Variants in PIAS4 observed in about 807,000 individuals in gnomAD.
PIAS4 encodes the protein protein inhibitor of activated STAT 4.
A neutral mutation model predicts 58.0 loss-of-function variants in PIAS4; 7 were observed. That is an observed-to-expected ratio of 0.12 (90% CI 0.07 to 0.23). The LOEUF is 0.23. Among genes scored for constraint, PIAS4 ranks in the 10% least tolerant of loss-of-function variants. PIAS4 has a pLI of 1.00. For missense variants in PIAS4, 550 were observed against 709.5 expected (o/e 0.78, Z 2.55); for synonymous variants, 364 against 312.4 (o/e 1.17, Z -1.74).
chr19:4,019,796 T>G (rs2040090646), intron 2 of PIAS4, among the ~76,000 whole-genome samples: 1 of 152,012 alleles, frequency 6.6e-6, no homozygotes, highest in Non-Finnish European at 1.5e-5. Flanking sequence ...CCCCTCTTCC[T>G]GAGGGCCAGC....
At chr19:4,028,310 C>A in intron 4 of PIAS4, 123 bp downstream of exon 4, 2 of 891,198 alleles carry the variant, frequency 2.2e-6, no homozygotes, top group Non-Finnish European at 3.5e-6. Context: ...CAGCTCTCCT[C>A]ACCTGCTGTC....
chr19:4,013,145 C>G lies in PIAS4; in HGVS notation c.250C>G (p.Leu84Val), dbSNP rs955710543. The G allele has an allele frequency of 6.2e-7, 1 of 1,613,388 alleles. No individual in the cohort carries two copies. Among genetic ancestry groups the G allele is most frequent in the Non-Finnish European group, 8.5e-7 (1 of 1,180,028 alleles). The change falls in exon 2 of 11, where the codon CTG (leucine) becomes GTG (valine). Residue 84 changes from leucine (L) to valine (V), a missense_variant. Around this residue, in one of 4 missense-constraint regions of PIAS4, gnomAD observed 95 missense variants for 87.5 expected, o/e 1.09. Transcript: ENST00000262971. This position sits in a 1 kb window ranked among gnomAD's most constrained non-coding sequence, Gnocchi z 5.1. ...ACAGCCGCACCGGCCCCTGGACCCCCTGACCATGCACTCCACCTACGACCG... is the reference window on the plus strand; with the variant it reads ...ACAGCCGCACCGGCCCCTGGACCCCGTGACCATGCACTCCACCTACGACCG... Reference protein sequence around the residue: ...APQPHRPLDPLTMHSTYDRAG... With the variant: ...APQPHRPLDPVTMHSTYDRAG...
intron 2 of PIAS4, among the ~76,000 whole-genome samples, chr19:4,020,397 C>T (rs1323721086): frequency 1.3e-5 from 2 of 152,128 alleles, no homozygotes; most frequent in African/African-American, 4.8e-5. Context: ...CCAGCCTTTA[C>T]CAGGGGCAGT....
intron 2 of PIAS4, among the ~76,000 whole-genome samples, chr19:4,019,130 A>G (rs998989510): frequency 2.0e-5 from 3 of 152,162 alleles, no homozygotes; most frequent in African/African-American, 7.2e-5. Context: ...TTTGCAGGAC[A>G]GCAGAGACGG....
chr19:4,031,515 C>T (rs2040222227), intron 7 of PIAS4, among the ~76,000 whole-genome samples: 1 of 152,150 alleles, frequency 6.6e-6, no homozygotes, highest in East Asian at 1.9e-4. Context: ...CTCCCTCTTC[C>T]CTCAAAGGGC....
At chr19:4,010,109 G>T (rs1326125829) in intron 1 of PIAS4, among the ~76,000 whole-genome samples, 2 of 152,222 alleles carry the variant, frequency 1.3e-5, no homozygotes, top group Non-Finnish European at 2.9e-5. Flanking sequence ...TATAAACACA[G>T]CTCTGACGGC....
intron 9 of PIAS4, among the ~76,000 whole-genome samples, chr19:4,035,664 T>C (rs1218253426): frequency 1.3e-5 from 2 of 149,142 alleles, no homozygotes; most frequent in African/African-American, 4.9e-5. Flanking sequence ...GCCTGTTTCC[T>C]GATCTGGCGG....
rs569162878 is a variant in PIAS4 at position 4,038,209 on chromosome 19, C to T, written c.*334C>T. 17 of 278,696 alleles carry T rather than the reference C, an allele frequency of 6.1e-5. No individual in the cohort carries two copies. The highest frequency in any genetic ancestry group is 1.2e-4 in the African/African-American group (5 of 43,068). 17.3% of individuals were successfully genotyped at this position (278,696 alleles called of 1,614,324 possible). ...GGCGGGAGGGACCAGGACGCCGCCC[C>T]GCGCCCTCCCCTCCGGATGCCCCGC... On this transcript the variant is annotated 3_prime_UTR_variant, in exon 11 of 11. Transcript: ENST00000262971. The surrounding 1 kb of genome is among the most constrained non-coding windows in gnomAD (Gnocchi z 4.1).
chr19:4,007,990 C>A (rs953940813), intron 1 of PIAS4, among the ~76,000 whole-genome samples: 1 of 151,404 alleles, frequency 6.6e-6, no homozygotes, highest in Non-Finnish European at 1.5e-5. Context: ...TCCTGCCTCA[C>A]CCAGGTCTTC....
chr19:4,012,190 G>A (rs181431006), intron 1 of PIAS4, among the ~76,000 whole-genome samples: 27 of 151,974 alleles, frequency 1.8e-4, no homozygotes, highest in Non-Finnish European at 2.9e-4. Context: ...CAGATGTTTC[G>A]GAGGCCCCCA....
chr19:4,027,759 A>T (rs971066746), intron 3 of PIAS4, among the ~76,000 whole-genome samples: 1 of 151,906 alleles, frequency 6.6e-6, no homozygotes, highest in East Asian at 1.9e-4. Context: ...CATGTTGCGC[A>T]GGCTCGTCTC....
chr19:4,033,274 C>A, intron 8 of PIAS4, 101 bp downstream of exon 8: 1 of 1,369,584 alleles, frequency 7.3e-7, no homozygotes, highest in Non-Finnish European at 1.0e-6. Flanking sequence ...CGTGAGCCTG[C>A]GGGGGCGAGG....
intron 3 of PIAS4, among the ~76,000 whole-genome samples, chr19:4,025,260 G>T (rs1034903128): frequency 6.6e-6 from 1 of 152,156 alleles, no homozygotes; most frequent in Non-Finnish European, 1.5e-5. Context: ...GACACAGCTC[G>T]GTGTCGCCTG....
At chr19:4,014,950 G>T (rs1182828115) in intron 2 of PIAS4, among the ~76,000 whole-genome samples, 1 of 152,228 alleles carries the variant, frequency 6.6e-6, no homozygotes, top group Non-Finnish European at 1.5e-5. Context: ...GGTGCTGTCG[G>T]TGGTTCCTGC....
chr19:4,008,512 C>T (rs984360750), intron 1 of PIAS4, among the ~76,000 whole-genome samples: 1 of 152,190 alleles, frequency 6.6e-6, no homozygotes, highest in African/African-American at 2.4e-5. Context: ...TGGGGGAAGG[C>T]TGGGCCCTCC....
chr19:4,017,068 C>T lies in PIAS4; in HGVS notation c.454+3719C>T, dbSNP rs371735172. ...ATCTGTCCGTCTGCACACTGGGGGC[C>T]TGGATGGGCACGGAGCGTCCTGTGT... On this transcript the variant is annotated intron_variant, in intron 2 of 10. Coordinates refer to ENST00000262971, the MANE Select transcript of PIAS4 (RefSeq NM_015897.4). Among the ~76,000 whole-genome samples the T allele has an allele frequency of 2.0e-4, 31 of 152,308 alleles. No homozygotes were observed. In the East Asian group the frequency reaches 4.6e-3, roughly 23 times the overall value.
chr19:4,028,134 C>T lies in PIAS4; in HGVS notation c.540-12C>T. The T allele has an allele frequency of 1.9e-6, 3 of 1,613,622 alleles. No individual in the cohort carries two copies. Among genetic ancestry groups the T allele is most frequent in the Non-Finnish European group, 2.5e-6 (3 of 1,179,838 alleles). On this transcript the variant is annotated splice_polypyrimidine_tract_variant and intron_variant, in intron 3 of 10. Transcript: ENST00000262971. ...CTCCTTTCCTTTCCTCTGGTTTGCT[C>T]CACACCCACAGGGAACTGCAGCCCG...
At chr19:4,015,804 CTG>C in intron 2 of PIAS4, among the ~76,000 whole-genome samples, 1 of 152,234 alleles carries the variant, frequency 6.6e-6, no homozygotes, top group East Asian at 1.9e-4. Flanking sequence ...CCGCTCTGGT[CTG>C]TTTCCCCGGA....
intron 2 of PIAS4, among the ~76,000 whole-genome samples, chr19:4,018,167 T>TA (rs1450786271): frequency 6.6e-6 from 1 of 152,226 alleles, no homozygotes; most frequent in African/African-American, 2.4e-5. Context: ...CTTGTACAAT[T>TA]ATGCGCTTGT....
Sources: gnomAD v4.1 joint callset for allele counts (sites outside exome capture counted in the v4.1 genomes callset) on GRCh38, gnomAD v4.1.1 for gene constraint, gnomAD v4.1.1 regional missense constraint, Gnocchi (gnomAD v3.1) non-coding constraint, MANE v1.5 for transcripts, NCBI Gene and HGNC (gene_info 2026-07-23, HGNC 2026-07-21) for gene names.